Variants in PRKACA observed in about 807,000 individuals in gnomAD.
PRKACA encodes protein kinase cAMP-activated catalytic subunit alpha, also known as cAMP-dependent protein kinase catalytic subunit alpha.
PRKACA carries 9 observed loss-of-function variants against 45.8 expected under a neutral mutation model. That is an observed-to-expected ratio of 0.20 (90% CI 0.12 to 0.34). The LOEUF is 0.34. PRKACA is among the 10% of genes least tolerant of loss of function. PRKACA has a pLI of 1.00. For synonymous variants in PRKACA, 160 were observed against 178.6 expected, an observed-to-expected ratio of 0.90 and a Z score of 0.83; for missense variants, 238 against 458.6, an observed-to-expected ratio of 0.52 and a Z score of 4.39.
At chr19:14,093,264 A>G in intron 9 of PRKACA, 27 bp from the exon 10 acceptor site, 2 of 1,599,850 alleles carry the variant, frequency 1.3e-6, no homozygotes, top group Non-Finnish European at 8.5e-7. Context: ...AATCACCCAG[A>G]CCTCAGCATT....
rs1333667160 is a variant in PRKACA at position 14,092,890 on chromosome 19, GA to G, written c.*221del. The G allele has an allele frequency of 2.4e-5, 13 of 534,140 alleles. No homozygotes were observed. The highest frequency in any genetic ancestry group is 3.2e-5 in the Non-Finnish European group (10 of 309,674). The allele number at this position is 534,140 out of a possible 1,614,324, so 33.1% of individuals were successfully genotyped here. ...GGGAAAGAGGAAGGGAAAAGTGGGA[GA>G]GGGGGCAGGAGGGTGAAGGGGATGA... On this transcript the variant is annotated 3_prime_UTR_variant, in exon 10 of 10. Transcript: ENST00000308677.
At chr19:14,096,487 A>G (rs1341015930) in intron 8 of PRKACA, 17 of 151,966 alleles carry the variant, frequency 1.1e-4, no homozygotes. Context: ...CCAAAGTTTC[A>G]AAGCCAGTCG....
rs35635531 is a variant in PRKACA at position 14,093,767 on chromosome 19, G to C, written c.791C>G (p.Ser264Cys). ...GKVRFPSHFS[S>C]DLKDLLRNLL... ...GTTCCGCAGCAGGTCCTTCAAGTCA[G>C]AGCTGAAGTGGGAAGGGAAGCGCAC... The change falls in exon 9 of 10, where the codon TCT becomes TGT. Residue 264 changes from serine (S) to cysteine (C), a missense_variant. Physicochemically the swap from Ser to Cys is moderately radical, Grantham distance 112 (BLOSUM62 -1). Coordinates refer to ENST00000308677, the MANE Select transcript of PRKACA (RefSeq NM_002730.4). 66 of 1,613,572 alleles carry C rather than the reference G, an allele frequency of 4.1e-5. No homozygotes were observed. Among genetic ancestry groups the C allele is most frequent in the Non-Finnish European group, 5.2e-5 (61 of 1,179,810 alleles).
chr19:14,101,123 G>A (rs1055982606), intron 4 of PRKACA: 12 of 543,794 alleles, frequency 2.2e-5, no homozygotes, highest in Middle Eastern at 5.1e-4. Context: ...TGGTTAGCCT[G>A]CCTTGGCTGG....
At position 14,092,960 on chromosome 19, in the gene PRKACA, C is replaced by G; in HGVS notation, c.*152G>C. 1 of 993,224 alleles carries G rather than the reference C, an allele frequency of 1.0e-6. No individual in the cohort carries two copies. Among genetic ancestry groups the G allele is most frequent in the Non-Finnish European group, 1.4e-6 (1 of 710,472 alleles). The allele number at this position is 993,224 out of a possible 1,614,324, so 61.5% of individuals were successfully genotyped here. ...TCTGTCCCTCTGATTATCTGGGCTT[C>G]CTGCTCCCCCTAACCCTGGAGGGTG... On this transcript the variant is annotated 3_prime_UTR_variant, in exon 10 of 10. Transcript: ENST00000308677.
intron 5 of PRKACA, among the ~76,000 whole-genome samples, chr19:14,099,585 C>G (rs1200595255): frequency 6.7e-6 from 1 of 149,102 alleles, no homozygotes; most frequent in African/African-American, 2.4e-5. Flanking sequence ...GCCACCACAC[C>G]TGACTTTTTT....
intron 1 of PRKACA, among the ~76,000 whole-genome samples, chr19:14,117,254 A>G (rs1967127404): frequency 6.7e-6 from 1 of 149,488 alleles, no homozygotes; most frequent in South Asian, 2.1e-4. Context: ...CATACGTGCC[A>G]TGGTTGGCAG....
At chr19:14,103,942 G>A (rs552821290) in intron 3 of PRKACA, among the ~76,000 whole-genome samples, 2 of 152,262 alleles carry the variant, frequency 1.3e-5, no homozygotes, top group South Asian at 2.1e-4. Flanking sequence ...AGCTGGGCAT[G>A]GCACGACTAT....
intron 1 of PRKACA, among the ~76,000 whole-genome samples, chr19:14,111,086 C>T (rs1299763766): frequency 1.3e-5 from 2 of 152,192 alleles, no homozygotes; most frequent in African/African-American, 2.4e-5. Context: ...GAGAGAAGAG[C>T]CCTCATGGAG....
At chr19:14,104,482 G>A (rs985109327) in intron 3 of PRKACA, among the ~76,000 whole-genome samples, 19 of 151,478 alleles carry the variant, frequency 1.3e-4, no homozygotes, top group Admixed American at 1.3e-3. Flanking sequence ...GGATTACAAG[G>A]TCAGGAGATG....
chr19:14,108,050 AT>A (rs1977665692), intron 1 of PRKACA: 1 of 985,542 alleles, frequency 1.0e-6, no homozygotes, highest in African/African-American at 1.7e-5. Flanking sequence ...ACACTGTCTC[AT>A]CTGACTCACT....
At chr19:14,095,580 G>A (rs561653486) in intron 8 of PRKACA, among the ~76,000 whole-genome samples, 20 of 151,808 alleles carry the variant, frequency 1.3e-4, no homozygotes, top group African/African-American at 3.9e-4. Flanking sequence ...GTGCAGTGGC[G>A]CAATCTCGGC....
intron 3 of PRKACA, among the ~76,000 whole-genome samples, chr19:14,103,580 G>A (rs1977507350): frequency 6.6e-6 from 1 of 152,286 alleles, no homozygotes; most frequent in East Asian, 1.9e-4. Flanking sequence ...AGGCTGGTGT[G>A]TAACATGTGG....
chr19:14,106,965 C>T lies in PRKACA; in HGVS notation c.109-77G>A, dbSNP rs562222068. 142 of 1,561,936 alleles carry T rather than the reference C, an allele frequency of 9.1e-5. 2 individuals carry two copies. In the South Asian group the frequency reaches 1.4e-3, roughly 15 times the overall value. On this transcript the variant is annotated intron_variant, in intron 2 of 9. Transcript: ENST00000308677. ...TTGGCTAAGGTCTGGGGCATCCCCTCTGCCACCGGCAGAGGGGGCCCCGGG... is the reference window on the plus strand; with the variant it reads ...TTGGCTAAGGTCTGGGGCATCCCCTTTGCCACCGGCAGAGGGGGCCCCGGG...
chr19:14,096,349 TTG>T (rs1182135789), intron 8 of PRKACA: 3,231 of 147,380 alleles, frequency 0.022, 126 homozygotes, highest in African/African-American at 0.079. Flanking sequence ...CCCGGCCAGT[TTG>T]TTTTTTTTTT....
rs2145738422 is a variant in PRKACA at position 14,091,981 on chromosome 19, G to C, written c.*1131C>G. On this transcript the variant is annotated 3_prime_UTR_variant, in exon 10 of 10. Coordinates refer to ENST00000308677, the MANE Select transcript of PRKACA (RefSeq NM_002730.4). Reference sequence around the variant, plus strand: ...TGATGGACAGCTGACAGCTAAGCTGGAGGAGGGGCGCCCAGGATGGGGGAG... The same window carrying C: ...TGATGGACAGCTGACAGCTAAGCTGCAGGAGGGGCGCCCAGGATGGGGGAG... The C allele has an allele frequency of 6.6e-6, 1 of 152,376 alleles. No individual in the cohort carries two copies. Among genetic ancestry groups the C allele is most frequent in the African/African-American group, 2.4e-5 (1 of 41,590 alleles). The allele number at this position is 152,376 out of a possible 1,614,324, so 9.4% of individuals were successfully genotyped here.
At chr19:14,106,374 C>A (rs41296266) in intron 3 of PRKACA, among the ~76,000 whole-genome samples, 2,240 of 152,140 alleles carry the variant, frequency 0.015, 41 homozygotes, top group African/African-American at 0.052. Context: ...AACCAAGCGG[C>A]CAGGCGCGGT....
intron 1 of PRKACA, among the ~76,000 whole-genome samples, chr19:14,117,221 G>A (rs1410495524): frequency 6.6e-6 from 1 of 151,740 alleles, no homozygotes; most frequent in Non-Finnish European, 1.5e-5. Flanking sequence ...TGGTGACAGG[G>A]GCCCATGTGG....
intron 3 of PRKACA, 27 bp downstream of exon 3, chr19:14,106,733 G>T: frequency 1.2e-6 from 2 of 1,613,720 alleles, no homozygotes; most frequent in Non-Finnish European, 1.7e-6. Flanking sequence ...TGACAGGCAG[G>T]CCCTGAGCGA....
Sources: allele counts gnomAD v4.1 joint callset (sites outside exome capture counted in the v4.1 genomes callset), GRCh38; gene constraint gnomAD v4.1.1; transcripts MANE v1.5; gene names NCBI Gene and HGNC (gene_info 2026-07-23, HGNC 2026-07-21).